SPIRE1: variants seen among roughly 807,000 people sequenced by gnomAD.
The protein encoded by SPIRE1 is protein spire homolog 1.
In SPIRE1, 40 loss-of-function variants were observed where a neutral mutation model predicts 94.1. The ratio of observed to expected loss-of-function variants is 0.43; its 90% confidence interval spans 0.33 to 0.55. The LOEUF (loss-of-function observed/expected upper bound fraction) is 0.55. SPIRE1 is among the 20% of genes least tolerant of loss of function. SPIRE1 has a pLI of 0.06. For synonymous variants in SPIRE1, 376 were observed against 371.7 expected (o/e 1.01, Z -0.13); for missense variants, 838 against 975.2 (o/e 0.86, Z 1.87).
chr18:12,554,296 C>CAAAAAA (rs35637714), intron 2 of SPIRE1, among the ~76,000 whole-genome samples: 5 of 56,372 alleles, frequency 8.9e-5, no homozygotes, highest in Non-Finnish European at 7.8e-5. Flanking sequence ...AGACTCTGTT[C>CAAAAAA]AAAAAAAAAA....
chr18:12,491,457 G>C (rs1038882027), intron 8 of SPIRE1, among the ~76,000 whole-genome samples: 4 of 151,828 alleles, frequency 2.6e-5, no homozygotes, highest in Admixed American at 2.6e-4. Flanking sequence ...ACAGAACAAA[G>C]AGTCCAGAAA....
At chr18:12,647,560 C>T (rs2038259773) in intron 1 of SPIRE1, among the ~76,000 whole-genome samples, 2 of 151,918 alleles carry the variant, frequency 1.3e-5, no homozygotes, top group Admixed American at 1.3e-4. Context: ...CCAGCCTGGG[C>T]AATATAGTGA....
chr18:12,530,173 A>G (rs1004336657), intron 4 of SPIRE1, among the ~76,000 whole-genome samples: 16 of 152,254 alleles, frequency 1.1e-4, no homozygotes, highest in Admixed American at 1.0e-3. Context: ...AAAATAGTAT[A>G]CAATAATTTC....
At chr18:12,488,193 A>C (rs887989819) in intron 8 of SPIRE1, among the ~76,000 whole-genome samples, 3 of 152,206 alleles carry the variant, frequency 2.0e-5, no homozygotes, top group Admixed American at 1.3e-4. Context: ...TGTTCTTTTA[A>C]ATCCTCTTCA....
chr18:12,554,872 GAA>G (rs2035455014), intron 2 of SPIRE1, among the ~76,000 whole-genome samples: 1 of 152,092 alleles, frequency 6.6e-6, no homozygotes, highest in African/African-American at 2.4e-5. Flanking sequence ...CTTAACACTT[GAA>G]AAAGTTTCAT....
chr18:12,626,884 A>G (rs375006370), intron 2 of SPIRE1, among the ~76,000 whole-genome samples: 1 of 54,550 alleles, frequency 1.8e-5, no homozygotes, highest in African/African-American at 5.9e-5. Flanking sequence ...ATATATATAT[A>G]TATTTTTTTT....
At position 12,546,792 on chromosome 18, in the gene SPIRE1, T is replaced by C. The variant is rs1356087475; in HGVS notation, c.485A>G (p.Asn162Ser). 6.2e-7 allele frequency: 1 copy of C among 1,614,014 alleles called. No homozygotes were observed. Among genetic ancestry groups the C allele is most frequent in the African/African-American group, 1.3e-5 (1 of 74,922 alleles). ...ATTGCTACCGTCAGCTTCCACCGTGTTGGCCATGTGATCGATAAGCTGCTC... is the reference window on the plus strand; with the variant it reads ...ATTGCTACCGTCAGCTTCCACCGTGCTGGCCATGTGATCGATAAGCTGCTC... ...PLEQLIDHMA[N>S]TVEADGSNDE... is the part of the protein sequence containing the mutation. The change falls in exon 3 of 17, where the codon AAC (asparagine) becomes AGC (serine). Residue 162 changes from asparagine (N) to serine (S), a missense_variant. By Grantham distance (46) the Asn-to-Ser change is conservative (BLOSUM62 1). This residue lies in a region of SPIRE1 where 645 missense variants were observed against 804.7 expected (regional missense o/e 0.80). Coordinates refer to ENST00000409402, the MANE Select transcript of SPIRE1 (RefSeq NM_001128626.2).
intron 3 of SPIRE1, among the ~76,000 whole-genome samples, chr18:12,537,646 C>A (rs1401125523): frequency 1.3e-5 from 2 of 152,122 alleles, no homozygotes; most frequent in Non-Finnish European, 2.9e-5. Context: ...TACTAGAGTT[C>A]ATAAGCAATT....
Position 12,449,445 on chromosome 18 carries a change from C to T in SPIRE1, c.*193G>A, listed in dbSNP as rs1568175685. Reference sequence around the variant, plus strand: ...TCTCTCAGTGCAAACGAGCAATTGGCGGACCTGTCACGTTTCATCAATCGA... The same window carrying T: ...TCTCTCAGTGCAAACGAGCAATTGGTGGACCTGTCACGTTTCATCAATCGA... On this transcript the variant is annotated 3_prime_UTR_variant, in exon 17 of 17. Coordinates refer to ENST00000409402, the MANE Select transcript of SPIRE1 (RefSeq NM_001128626.2). 2.4e-5 allele frequency: 15 copies of T among 623,342 alleles called. No homozygotes were observed. The highest frequency in any genetic ancestry group is 4.1e-5 in the South Asian group (2 of 48,370). The allele number at this position is 623,342 out of a possible 1,614,324, so 38.6% of individuals were successfully genotyped here. A position where few individuals can be genotyped will look rare whatever the true frequency, so the allele number is the denominator to read the frequency against.
chr18:12,473,731 T>C (rs1318704458), intron 10 of SPIRE1, among the ~76,000 whole-genome samples: 3 of 152,250 alleles, frequency 2.0e-5, no homozygotes, highest in Non-Finnish European at 4.4e-5. Context: ...TACAATAATA[T>C]ATTAACTGAT....
chr18:12,514,340 G>A (rs988978658), intron 4 of SPIRE1, among the ~76,000 whole-genome samples: 3 of 152,196 alleles, frequency 2.0e-5, no homozygotes, highest in Middle Eastern at 3.4e-3. Context: ...AGTTACTCTA[G>A]TTTATGTCTT....
At chr18:12,564,550 T>C (rs950157989) in intron 2 of SPIRE1, among the ~76,000 whole-genome samples, 1 of 151,986 alleles carries the variant, frequency 6.6e-6, no homozygotes. Context: ...GCTGAACAAA[T>C]GGAAAAATCA....
At chr18:12,462,583 A>G (rs1388943888) in intron 12 of SPIRE1, among the ~76,000 whole-genome samples, 3 of 152,184 alleles carry the variant, frequency 2.0e-5, no homozygotes, top group African/African-American at 7.2e-5. Flanking sequence ...AAAACAGCAA[A>G]AACTATAAAC....
chr18:12,647,740 CA>C (rs1173227132), intron 1 of SPIRE1, among the ~76,000 whole-genome samples: 2 of 152,092 alleles, frequency 1.3e-5, no homozygotes, highest in African/African-American at 4.8e-5. Context: ...GGCAACAGAG[CA>C]AAACTACAAC....
intron 6 of SPIRE1, among the ~76,000 whole-genome samples, chr18:12,498,238 C>A (rs1461603146): frequency 6.6e-6 from 1 of 152,166 alleles, no homozygotes; most frequent in East Asian, 1.9e-4. Flanking sequence ...TGTGTGAAAA[C>A]CATTTTGCTG....
chr18:12,639,041 G>A (rs957017039), intron 1 of SPIRE1, among the ~76,000 whole-genome samples: 4 of 152,078 alleles, frequency 2.6e-5, no homozygotes, highest in Admixed American at 2.6e-4. Context: ...GTGGCTGTTG[G>A]GATTGAGGGG....
intron 1 of SPIRE1, among the ~76,000 whole-genome samples, chr18:12,650,187 C>T (rs1381374918): frequency 1.3e-5 from 2 of 151,762 alleles, no homozygotes; most frequent in Non-Finnish European, 1.5e-5. Context: ...TGCAGTGACC[C>T]GAGCTCGTGC....
chr18:12,614,515 C>T (rs2037228974), intron 2 of SPIRE1, among the ~76,000 whole-genome samples: 1 of 152,076 alleles, frequency 6.6e-6, no homozygotes, highest in Non-Finnish European at 1.5e-5. Context: ...ATGCAATATG[C>T]AATTAAAACC....
intron 4 of SPIRE1, among the ~76,000 whole-genome samples, chr18:12,526,944 G>A (rs57706356): frequency 0.048 from 7,287 of 152,080 alleles, 193 homozygotes; most frequent in South Asian, 0.097. Flanking sequence ...TCTTGACATC[G>A]TGATCCACCC....
Sources: allele counts gnomAD v4.1 joint callset (sites outside exome capture counted in the v4.1 genomes callset), GRCh38; gene constraint gnomAD v4.1.1; regional missense constraint gnomAD v4.1.1; transcripts MANE v1.5; gene names NCBI Gene and HGNC (gene_info 2026-07-23, HGNC 2026-07-21).